The following DAB1 variants were observed in gnomAD, a reference collection of about 807,000 sequenced individuals.
DAB1 encodes disabled homolog 1.
DAB1 carries 15 observed loss-of-function variants against 64.6 expected under a neutral mutation model. The ratio of observed to expected loss-of-function variants is 0.23; its 90% CI spans 0.16 to 0.36. The LOEUF (loss-of-function observed/expected upper bound fraction) is 0.36, where lower values mean the gene tolerates loss of function less well. DAB1 is among the 10% of genes least tolerant of loss of function. The probability of loss-of-function intolerance (pLI) is 1.00; values close to 1 mark genes in which losing one functional copy is unlikely to be tolerated. For missense variants in DAB1, 596 were observed against 706.7 expected (o/e 0.84, Z 1.78); for synonymous variants, 235 against 251.9 (o/e 0.93, Z 0.64).
intron 14 of DAB1, among the ~76,000 whole-genome samples, chr1:57,002,144 T>G (rs928009953): frequency 1.3e-5 from 2 of 152,176 alleles, no homozygotes; most frequent in African/African-American, 4.8e-5. Flanking sequence ...ACAGAGTAGA[T>G]GGAAACCATA....
At chr1:58,433,567 AAGAGAGAGAGAG>A (rs67547933) in intron 3 of DAB1, among the ~76,000 whole-genome samples, 93 of 114,486 alleles carry the variant, frequency 8.1e-4, no homozygotes, top group African/African-American at 1.6e-3. Flanking sequence ...GTCCATGCAT[AAGAGAGAGAGAG>A]AGAGAGAGAG....
At chr1:57,716,569 A>T (rs1441937214) in intron 6 of DAB1, among the ~76,000 whole-genome samples, 2 of 152,234 alleles carry the variant, frequency 1.3e-5, no homozygotes, top group East Asian at 3.8e-4. Flanking sequence ...CTCACCATAC[A>T]CAAAAATCAA....
chr1:57,581,549 A>T (rs1645311860), intron 7 of DAB1, among the ~76,000 whole-genome samples: 1 of 152,098 alleles, frequency 6.6e-6, no homozygotes, highest in South Asian at 2.1e-4. Flanking sequence ...TCAGTTTCAT[A>T]ATCTGTAAGA....
intron 4 of DAB1, among the ~76,000 whole-genome samples, chr1:58,157,199 A>G (rs1458213937): frequency 2.6e-5 from 4 of 152,194 alleles, no homozygotes; most frequent in East Asian, 1.9e-4. Context: ...CCTTTGCCAA[A>G]GCTTTTTCAA....
intron 4 of DAB1, among the ~76,000 whole-genome samples, chr1:58,213,238 G>A (rs1247084600): frequency 6.6e-6 from 1 of 152,124 alleles, no homozygotes; most frequent in Non-Finnish European, 1.5e-5. Flanking sequence ...ATCTCTAAGA[G>A]GGGTTTTGAG....
rs150115872 is a variant in DAB1, at chr1:56,997,771, G to C, written c.*373C>G. 1 of 152,304 alleles carries C rather than the reference G, an allele frequency of 6.6e-6. No homozygotes were observed. Among genetic ancestry groups the C allele is most frequent in the African/African-American group, 2.4e-5 (1 of 41,564 alleles). 9.4% of individuals were successfully genotyped at this position (152,304 alleles called of 1,614,324 possible). On this transcript the variant is annotated 3_prime_UTR_variant, in exon 15 of 15. Transcript: ENST00000371236. The stretch of plus-strand genomic sequence containing the variant: ...GTGTCTCAACAGTGGTCAACAGGTA[G>C]AGAAATAAAAAGGGAATTAATAATT...
chr1:58,378,865 T>C (rs1284508451), intron 3 of DAB1, among the ~76,000 whole-genome samples: 56 of 82,114 alleles, frequency 6.8e-4, no homozygotes, highest in Middle Eastern at 4.7e-3. Context: ...GAGCCAGGTG[T>C]GGGATATAGT....
rs140726910 is a variant in DAB1 at position 58,497,038 on chromosome 1, C to A, written n.257+9022G>T. Among the ~76,000 whole-genome samples, 793 of 152,308 alleles carry A rather than the reference C, an allele frequency of 5.2e-3. 9 individuals are homozygous for A. The highest frequency in any genetic ancestry group is 0.018 in the African/African-American group (742 of 41,564). The stretch of plus-strand genomic sequence containing the variant: ...TGTGGGGCAGCCAGGTATTAAGAGA[C>A]TTCCAATGCAAAGCACTATGAAGCT... On this transcript the variant is annotated intron_variant and non_coding_transcript_variant, in intron 3 of 20. Transcript: ENST00000485760.
At chr1:57,426,859 A>ATATATATATATATATATATAT (rs1685303539), upstream of DAB1, among the ~76,000 whole-genome samples, 2 of 122,864 alleles carry the variant, frequency 1.6e-5, no homozygotes, top group South Asian at 2.5e-4. Context: ...TAAATGAGAT[A>ATATATATATATATATATATAT]ATATATATAT....
At chr1:57,042,905 G>A (rs142888204) in intron 9 of DAB1, among the ~76,000 whole-genome samples, 389 of 151,866 alleles carry the variant, frequency 2.6e-3, no homozygotes, top group African/African-American at 8.0e-3. Flanking sequence ...TTTGTTATTA[G>A]GAACTCCAGA....
At chr1:58,511,579 T>G (rs931308445) in intron 2 of DAB1, among the ~76,000 whole-genome samples, 3 of 151,970 alleles carry the variant, frequency 2.0e-5, no homozygotes, top group Admixed American at 2.0e-4. Context: ...GAGTAAGCTG[T>G]GATCACATCA....
At position 56,995,565 on chromosome 1, in the gene DAB1, CCTT is replaced by C. The variant is rs1158287273; in HGVS notation, c.*2576_*2578del. ...AGAGGACAATTCTCCTGGACTTTCA[CCTT>C]CTGCTAGGAAATTAACTCCAGATGG... On this transcript the variant is annotated 3_prime_UTR_variant, in exon 15 of 15. Coordinates refer to ENST00000371236, the MANE Select transcript of DAB1 (RefSeq NM_001365792.1). 6.6e-6 allele frequency: 1 copy of C among 152,200 alleles called. No individual in the cohort carries two copies. The highest frequency in any genetic ancestry group is 1.9e-4 in the East Asian group (1 of 5,188). 9.4% of individuals were successfully genotyped at this position (152,200 alleles called of 1,614,324 possible).
intron 5 of DAB1, among the ~76,000 whole-genome samples, chr1:58,128,266 T>C (rs1024304723): frequency 2.0e-5 from 3 of 151,306 alleles, no homozygotes; most frequent in South Asian, 2.1e-4. Flanking sequence ...TGTTTGTCTG[T>C]TGTTGGTGTA....
intron 3 of DAB1, among the ~76,000 whole-genome samples, chr1:58,490,078 C>A (rs1645651927): frequency 6.6e-6 from 1 of 152,204 alleles, no homozygotes; most frequent in South Asian, 2.1e-4. Context: ...AGCAACAGAA[C>A]AAAGCTGGAC....
chr1:58,485,228 T>TTAAAA (rs533975015), intron 3 of DAB1, among the ~76,000 whole-genome samples: 4 of 42,060 alleles, frequency 9.5e-5, no homozygotes, highest in South Asian at 1.3e-3. Context: ...AGTCTACTAC[T>TTAAAA]AAAAAAAAAA....
At chr1:57,159,902 G>A (rs528074441) in intron 2 of DAB1, among the ~76,000 whole-genome samples, 5 of 147,162 alleles carry the variant, frequency 3.4e-5, no homozygotes, top group Middle Eastern at 3.5e-3. Flanking sequence ...GTTTTAAGAC[G>A]GTAAAGACAG....
intron 7 of DAB1, among the ~76,000 whole-genome samples, chr1:57,429,868 T>G (rs563046140): frequency 1.3e-5 from 2 of 152,294 alleles, no homozygotes; most frequent in Non-Finnish European, 2.9e-5. Flanking sequence ...CATTCCAGTA[T>G]CATACTATTT....
intron 1 of DAB1, among the ~76,000 whole-genome samples, chr1:57,343,819 T>C (rs372181866): frequency 4.8e-4 from 73 of 152,306 alleles, no homozygotes; most frequent in African/African-American, 1.8e-3. Context: ...CTGAGGGAGC[T>C]GGCTCTGGCC....
At chr1:57,084,930 G>A (rs1053040828) in intron 4 of DAB1, among the ~76,000 whole-genome samples, 3 of 152,090 alleles carry the variant, frequency 2.0e-5, no homozygotes, top group Non-Finnish European at 4.4e-5. Context: ...TACACTAATT[G>A]GCCCCATGAT....
Sources: gnomAD v4.1 joint callset for allele counts (sites outside exome capture counted in the v4.1 genomes callset) on GRCh38, gnomAD v4.1.1 for gene constraint, MANE v1.5 for transcripts, NCBI Gene and HGNC (gene_info 2026-07-23, HGNC 2026-07-21) for gene names.